ARMC2: variants seen among roughly 807,000 people sequenced by gnomAD.
ARMC2 encodes armadillo repeat-containing protein 2.
Under a neutral mutation model 90.3 loss-of-function variants are expected in ARMC2, and 67 were observed. The observed-to-expected ratio is 0.74, with a 90% confidence interval of 0.61 to 0.91. The LOEUF is 0.91. Among genes scored for constraint, ARMC2 ranks in the 40% least tolerant of loss-of-function variants. The probability of loss-of-function intolerance (pLI) is 0.00; values close to 1 mark genes in which losing one functional copy is unlikely to be tolerated. For synonymous variants in ARMC2, 393 were observed against 393.0 expected (o/e 1.00, Z 0.00); for missense variants, 920 against 1,030.9 (o/e 0.89, Z 1.47).
intron 5 of ARMC2, among the ~76,000 whole-genome samples, chr6:108,889,888 T>A (rs1450699951): frequency 6.6e-6 from 1 of 151,430 alleles, no homozygotes; most frequent in African/African-American, 2.4e-5. Flanking sequence ...GACTTTTCCA[T>A]TAAAAAACAG....
At chr6:108,961,958 AC>A (rs1778027708) in intron 14 of ARMC2, 55 bp from the exon 15 acceptor site, 2 of 1,255,740 alleles carry the variant, frequency 1.6e-6, no homozygotes, top group East Asian at 4.9e-5. Context: ...ATTTCCATTA[AC>A]CTTTAAGTTA....
At chr6:108,894,752 A>C in intron 6 of ARMC2, among the ~76,000 whole-genome samples, 1 of 147,250 alleles carries the variant, frequency 6.8e-6, no homozygotes. Flanking sequence ...ACATCTATAG[A>C]TGACAGTCTT....
intron 5 of ARMC2, among the ~76,000 whole-genome samples, chr6:108,892,222 G>A (rs1407698946): frequency 6.6e-6 from 1 of 152,074 alleles, no homozygotes; most frequent in Non-Finnish European, 1.5e-5. Flanking sequence ...GAACTTCCTT[G>A]GCTCCACACC....
chr6:108,888,045 G>A (rs538074531), intron 5 of ARMC2, among the ~76,000 whole-genome samples: 3 of 152,306 alleles, frequency 2.0e-5, no homozygotes, highest in African/African-American at 4.8e-5. Flanking sequence ...AGGCTGCAGC[G>A]TTACGTAGAA....
intron 3 of ARMC2, among the ~76,000 whole-genome samples, chr6:108,863,199 C>T (rs764002642): frequency 4.6e-5 from 7 of 152,064 alleles, no homozygotes; most frequent in Non-Finnish European, 8.8e-5. Context: ...GGCTGGAGTT[C>T]AATGACATGA....
intron 13 of ARMC2, among the ~76,000 whole-genome samples, chr6:108,955,269 G>A (rs1375980208): frequency 6.6e-6 from 1 of 152,188 alleles, no homozygotes. Context: ...GACATTGAGT[G>A]CACAGACAAG....
chr6:108,947,841 A>C (rs1030465532), intron 12 of ARMC2, among the ~76,000 whole-genome samples: 1 of 152,042 alleles, frequency 6.6e-6, no homozygotes, highest in Non-Finnish European at 1.5e-5. Flanking sequence ...AAAAAAAAAA[A>C]AGCTCTCTCT....
chr6:109,032,419 C>G, the ARMC2 span, among the ~76,000 whole-genome samples: 3 of 152,108 alleles, frequency 2.0e-5, no homozygotes, highest in Non-Finnish European at 2.9e-5. Context: ...GAATTCAAGA[C>G]CAGCCTGGCC....
Position 108,973,505 on chromosome 6 carries a change from C to T in ARMC2, c.2595C>T (p.Pro865=). 1 of 1,611,762 alleles carries T rather than the reference C, an allele frequency of 6.2e-7. No individual in the cohort carries two copies. The highest frequency in any genetic ancestry group is 1.1e-5 in the South Asian group (1 of 90,746). The change falls in exon 18 of 18, where the codon CCC becomes CCT. Residue 865 remains proline, a synonymous_variant. Coordinates refer to ENST00000392644, the MANE Select transcript of ARMC2 (RefSeq NM_032131.6). Reference sequence around the variant, plus strand: ...CCTTCCTGGAACCCCTGCCCATTCCCTCTTTCTAACATGATGCAGATTAAC... The same window carrying T: ...CCTTCCTGGAACCCCTGCCCATTCCTTCTTTCTAACATGATGCAGATTAAC... ...HHTFLEPLPI[P]SF
intron 10 of ARMC2, among the ~76,000 whole-genome samples, chr6:108,918,656 C>T (rs1338879806): frequency 1.3e-5 from 2 of 152,074 alleles, no homozygotes; most frequent in African/African-American, 4.8e-5. Flanking sequence ...AGGATAGCAC[C>T]GCACTGGAGC....
the ARMC2 span, chr6:109,002,245 A>C: frequency 3.0e-4 from 479 of 1,585,532 alleles, 5 homozygotes; most frequent in South Asian, 5.1e-3. Context: ...TTAAAAGCAT[A>C]CAGTTCACTA....
chr6:108,898,633 C>T (rs948858919), intron 6 of ARMC2, among the ~76,000 whole-genome samples: 2 of 152,178 alleles, frequency 1.3e-5, no homozygotes, highest in Non-Finnish European at 2.9e-5. Context: ...ACATTTCCCC[C>T]CAGTGTTACC....
At chr6:108,975,922 C>A (rs550411674), downstream of ARMC2, among the ~76,000 whole-genome samples, 3 of 152,100 alleles carry the variant, frequency 2.0e-5, no homozygotes, top group Admixed American at 1.3e-4. Flanking sequence ...GATGGATAGA[C>A]TGCAAAAATT....
intron 6 of ARMC2, among the ~76,000 whole-genome samples, chr6:108,895,854 T>C (rs974031192): frequency 1.3e-5 from 2 of 152,120 alleles, no homozygotes; most frequent in Non-Finnish European, 2.9e-5. Context: ...AGGAGGGGAA[T>C]GGATGCAGGG....
chr6:108,898,091 A>C (rs1771774021), intron 6 of ARMC2, among the ~76,000 whole-genome samples: 1 of 152,184 alleles, frequency 6.6e-6, no homozygotes, highest in Non-Finnish European at 1.5e-5. Flanking sequence ...GAGGTAAAGC[A>C]ATTTGCCCAT....
chr6:108,962,208 C>A, intron 15 of ARMC2, 81 bp downstream of exon 15: 1 of 1,084,148 alleles, frequency 9.2e-7, no homozygotes, highest in Non-Finnish European at 1.4e-6. Flanking sequence ...TGAGTCATTA[C>A]AGTGTTATAC....
intron 5 of ARMC2, among the ~76,000 whole-genome samples, chr6:108,891,536 C>T (rs188117763): frequency 3.3e-5 from 5 of 152,240 alleles, no homozygotes; most frequent in East Asian, 1.9e-4. Context: ...ATTTGTTGGC[C>T]GCATAAATGT....
the ARMC2 span, among the ~76,000 whole-genome samples, chr6:109,052,468 T>G: frequency 3.9e-5 from 6 of 152,184 alleles, no homozygotes; most frequent in Admixed American, 3.9e-4. Flanking sequence ...TTCAGTTCTC[T>G]TTCTTATGTA....
intron 3 of ARMC2, among the ~76,000 whole-genome samples, chr6:108,862,358 AC>A (rs145778089): frequency 0.48 from 47,751 of 99,446 alleles, 12,090 homozygotes; most frequent in Non-Finnish European, 0.51. Flanking sequence ...AAAAAAAAAA[AC>A]AAAAAAAACA....
Sources: gnomAD v4.1 joint callset for allele counts (sites outside exome capture counted in the v4.1 genomes callset) on GRCh38, gnomAD v4.1.1 for gene constraint, MANE v1.5 for transcripts, NCBI Gene and HGNC (gene_info 2026-07-23, HGNC 2026-07-21) for gene names.